RORA: variants seen among roughly 807,000 people sequenced by gnomAD.
RORA encodes the protein RAR related orphan receptor A.
A neutral mutation model predicts 69.5 loss-of-function variants in RORA; 7 were observed. That is an observed-to-expected ratio of 0.10 (90% CI 0.06 to 0.19). The LOEUF (loss-of-function observed/expected upper bound fraction) is 0.19. RORA is among the 10% of genes least tolerant of loss of function. RORA has a pLI of 1.00. For synonymous variants in RORA, 261 were observed against 240.8 expected, an observed-to-expected ratio of 1.08 and a Z score of -0.78; for missense variants, 457 against 663.0, an observed-to-expected ratio of 0.69 and a Z score of 3.41.
chr15:61,201,427 A>G (rs2079894589), intron 1 of RORA, among the ~76,000 whole-genome samples: 1 of 152,228 alleles, frequency 6.6e-6, no homozygotes, highest in African/African-American at 2.4e-5. Flanking sequence ...TCATGCTCTA[A>G]GCAAAAACAG....
At chr15:61,080,696 G>C (rs1308996754) in intron 1 of RORA, among the ~76,000 whole-genome samples, 1 of 152,180 alleles carries the variant, frequency 6.6e-6, no homozygotes, top group Non-Finnish European at 1.5e-5. Context: ...TGGGTATAGA[G>C]TACGTTACAT....
chr15:60,819,361 G>C (rs1369763111), intron 1 of RORA, among the ~76,000 whole-genome samples: 1 of 152,156 alleles, frequency 6.6e-6, no homozygotes, highest in African/African-American at 2.4e-5. Flanking sequence ...AATTAGTCAA[G>C]GCTTCGAAAC....
intron 1 of RORA, among the ~76,000 whole-genome samples, chr15:60,723,918 T>C (rs1473240004): frequency 6.6e-6 from 1 of 152,192 alleles, no homozygotes; most frequent in Non-Finnish European, 1.5e-5. Flanking sequence ...AAGATGGATC[T>C]GTGTGGCACG....
intron 8 of RORA, 140 bp from the exon 9 acceptor site, chr15:60,501,209 C>G: frequency 3.2e-6 from 2 of 616,144 alleles, no homozygotes; most frequent in Non-Finnish European, 5.8e-6. Flanking sequence ...GAAGAGAGAT[C>G]TAGTGGTTGA....
intron 1 of RORA, among the ~76,000 whole-genome samples, chr15:60,763,212 C>A (rs12900122): frequency 6.6e-6 from 1 of 151,218 alleles, no homozygotes; most frequent in Admixed American, 6.6e-5. Flanking sequence ...TCTGGGTAGC[C>A]GAGAGGAAAA....
intron 1 of RORA, among the ~76,000 whole-genome samples, chr15:61,203,073 G>A (rs1200269260): frequency 6.6e-6 from 1 of 152,102 alleles, no homozygotes; most frequent in Non-Finnish European, 1.5e-5. Context: ...TATAAAACAA[G>A]CAAGTCTGAA....
intron 1 of RORA, among the ~76,000 whole-genome samples, chr15:61,091,233 G>A (rs2576982): frequency 6.6e-6 from 1 of 152,098 alleles, no homozygotes; most frequent in Non-Finnish European, 1.5e-5. Context: ...GTAAAAATAA[G>A]CCCCTCTAAG....
chr15:60,583,748 T>C (rs1235773291), intron 2 of RORA, among the ~76,000 whole-genome samples: 1 of 152,142 alleles, frequency 6.6e-6, no homozygotes, highest in Non-Finnish European at 1.5e-5. Context: ...TTAATAACAA[T>C]GCCAGAAATT....
chr15:61,179,155 T>C (rs2079658923), intron 1 of RORA, among the ~76,000 whole-genome samples: 1 of 152,196 alleles, frequency 6.6e-6, no homozygotes, highest in Non-Finnish European at 1.5e-5. Context: ...CTCCACTCCA[T>C]AGAGGGAAGC....
chr15:60,828,500 A>T (rs1595747788), intron 1 of RORA, among the ~76,000 whole-genome samples: 1 of 152,196 alleles, frequency 6.6e-6, no homozygotes, highest in East Asian at 1.9e-4. Flanking sequence ...CATTTCCAGC[A>T]TCTCTGGGTG....
intron 2 of RORA, chr15:60,592,605 A>G (rs2140525972): frequency 8.5e-7 from 1 of 1,182,736 alleles, no homozygotes; most frequent in Non-Finnish European, 1.0e-6. Flanking sequence ...CTCTGTTTAC[A>G]CCGCGCCCCT....
At chr15:61,189,856 CAAAAAAAAAAA>C (rs71125907) in intron 1 of RORA, among the ~76,000 whole-genome samples, 2 of 42,890 alleles carry the variant, frequency 4.7e-5, no homozygotes, top group African/African-American at 2.2e-4. Context: ...GACTCTGTCT[CAAAAAAAAAAA>C]AAAAAAAAAA....
At chr15:60,844,965 C>T (rs1373678164) in intron 1 of RORA, among the ~76,000 whole-genome samples, 3 of 152,126 alleles carry the variant, frequency 2.0e-5, no homozygotes, top group Non-Finnish European at 4.4e-5. Flanking sequence ...TGGTAGGCAT[C>T]AGTTGTATAA....
At chr15:60,818,465 T>C (rs2072846946) in intron 1 of RORA, among the ~76,000 whole-genome samples, 1 of 152,038 alleles carries the variant, frequency 6.6e-6, no homozygotes, top group African/African-American at 2.4e-5. Context: ...AGAGGTGGAG[T>C]ACCTTGCACA....
chr15:60,990,858 C>G (rs1894354286), intron 1 of RORA, among the ~76,000 whole-genome samples: 1 of 152,086 alleles, frequency 6.6e-6, no homozygotes, highest in African/African-American at 2.4e-5. Flanking sequence ...GATGGAATCT[C>G]AAAATACAAG....
intron 1 of RORA, among the ~76,000 whole-genome samples, chr15:60,859,609 A>G (rs1469374606): frequency 1.4e-5 from 2 of 146,290 alleles, no homozygotes; most frequent in African/African-American, 5.1e-5. Context: ...GTGAGACTAT[A>G]GCAACACGAC....
intron 1 of RORA, among the ~76,000 whole-genome samples, chr15:60,774,543 C>T (rs1053575564): frequency 1.3e-4 from 20 of 152,294 alleles, no homozygotes; most frequent in African/African-American, 3.9e-4. Context: ...AGAGAAAGCC[C>T]GTCTCTGGTT....
chr15:60,967,243 T>G (rs1893579229), intron 1 of RORA, among the ~76,000 whole-genome samples: 2 of 152,228 alleles, frequency 1.3e-5, no homozygotes, highest in Non-Finnish European at 2.9e-5. Flanking sequence ...GCATATATAT[T>G]TATGCATTGA....
At chr15:60,590,755 A>G (rs1325821870) in intron 2 of RORA, among the ~76,000 whole-genome samples, 8 of 152,122 alleles carry the variant, frequency 5.3e-5, no homozygotes, top group African/African-American at 1.4e-4. Context: ...AATCTTAATA[A>G]TTTTTCCTCC....
Sources: gnomAD v4.1 joint callset for allele counts (sites outside exome capture counted in the v4.1 genomes callset) on GRCh38, gnomAD v4.1.1 for gene constraint, MANE v1.5 for transcripts, NCBI Gene and HGNC (gene_info 2026-07-23, HGNC 2026-07-21) for gene names.